SYNE2: variants seen among roughly 807,000 people sequenced by gnomAD.
SYNE2 encodes the protein nesprin-2.
SYNE2 carries 431 observed loss-of-function variants against 856.3 expected under a neutral mutation model. The ratio of observed to expected loss-of-function variants is 0.50; its 90% CI spans 0.47 to 0.55. The LOEUF is 0.55. Among genes scored for constraint, SYNE2 ranks in the 20% least tolerant of loss-of-function variants. SYNE2 has a pLI of 0.00. For missense variants in SYNE2, 8,129 were observed against 8,023.2 expected (o/e 1.01, Z -0.50); for synonymous variants, 2,923 against 2,872.3 (o/e 1.02, Z -0.56).
intron 115 of SYNE2, 63 bp from the exon 116 acceptor site, chr14:64,225,256 G>A (rs2098713952): frequency 6.2e-7 from 1 of 1,608,776 alleles, no homozygotes; most frequent in Non-Finnish European, 8.5e-7. Flanking sequence ...CAGGGGCTTA[G>A]GTAATAGAGT....
At position 64,030,224 on chromosome 14, in the gene SYNE2, G is replaced by A. The variant is rs1454674839; in HGVS notation, c.6879+165G>A. ...TAATAAATGAGAATGTCCTTCTTTAGTGGACAAATCCATTTATAATTGGAA... is the reference window on the plus strand; with the variant it reads ...TAATAAATGAGAATGTCCTTCTTTAATGGACAAATCCATTTATAATTGGAA... On this transcript the variant is annotated intron_variant, in intron 44 of 115. Coordinates refer to ENST00000555002, the MANE Select transcript of SYNE2 (RefSeq NM_182914.3). Among the ~76,000 whole-genome samples the A allele has an allele frequency of 3.9e-5, 6 of 152,128 alleles. No homozygotes were observed. The East Asian group carries it at 9.6e-4, about 24-fold the overall frequency.
intron 1 of SYNE2, among the ~76,000 whole-genome samples, chr14:63,837,952 A>T (rs2139917516): frequency 6.7e-6 from 1 of 149,902 alleles, no homozygotes; most frequent in East Asian, 2.0e-4. Flanking sequence ...AGAGCAAAGT[A>T]TCTGAATAGA....
At chr14:64,045,211 T>G (rs1297632059) in intron 45 of SYNE2, among the ~76,000 whole-genome samples, 2 of 152,188 alleles carry the variant, frequency 1.3e-5, no homozygotes, top group Non-Finnish European at 2.9e-5. Context: ...GGTAAACAAT[T>G]AAACTTTTGG....
At chr14:64,054,237 C>G (rs965027500) in intron 48 of SYNE2, among the ~76,000 whole-genome samples, 1 of 152,004 alleles carries the variant, frequency 6.6e-6, no homozygotes, top group Non-Finnish European at 1.5e-5. Flanking sequence ...CTGTTGAGCT[C>G]AGAACATTTT....
At chr14:64,209,636 G>C in intron 102 of SYNE2, 58 bp downstream of exon 102, 1 of 1,605,300 alleles carries the variant, frequency 6.2e-7, no homozygotes, top group Admixed American at 1.7e-5. Context: ...GCGAGCCTGG[G>C]GGCTGCTGAA....
intron 32 of SYNE2, among the ~76,000 whole-genome samples, chr14:64,013,349 G>C (rs1446608024): frequency 6.8e-6 from 1 of 146,414 alleles, no homozygotes; most frequent in African/African-American, 2.5e-5. Flanking sequence ...TGTATATTTA[G>C]GGAGTTACAA....
chr14:63,948,441 A>C (rs1448941911), intron 6 of SYNE2, among the ~76,000 whole-genome samples: 1 of 151,990 alleles, frequency 6.6e-6, no homozygotes, highest in African/African-American at 2.4e-5. Flanking sequence ...AGGCAGGCAG[A>C]TCACAAGGTG....
intron 26 of SYNE2, 25 bp downstream of exon 26, chr14:63,998,353 G>C: frequency 6.8e-7 from 1 of 1,477,778 alleles, no homozygotes. Flanking sequence ...AAAACAACTG[G>C]AAAATCCACC....
intron 64 of SYNE2, among the ~76,000 whole-genome samples, chr14:64,105,852 G>C (rs2097767581): frequency 6.6e-6 from 1 of 152,026 alleles, no homozygotes; most frequent in Non-Finnish European, 1.5e-5. Flanking sequence ...TTGAGCTCAG[G>C]AGTTCAAGAC....
upstream of SYNE2, chr14:63,848,257 T>G (rs149213871): frequency 7.1e-3 from 1,084 of 152,346 alleles, 8 homozygotes; most frequent in Non-Finnish European, 0.013. Context: ...TATTTATTTA[T>G]TTTTAAAGGC....
At position 63,997,304 on chromosome 14, in the gene SYNE2, G is replaced by C. The variant is rs1412923447; in HGVS notation, c.3156G>C (p.Gly1052=). 1.9e-6 allele frequency: 3 copies of C among 1,612,872 alleles called. No individual in the cohort carries two copies. Among genetic ancestry groups the C allele is most frequent in the Non-Finnish European group, 2.5e-6 (3 of 1,179,518 alleles). The stretch of plus-strand genomic sequence containing the variant: ...TGCAATTTTGATTCCTTTCTAGGGG[G>C]ACCATCACCACATCTGAGAATAGAG... ...PTAGGTSKNE[G]TITTSENRGG... Residue 1052 remains glycine (G), a synonymous_variant, in exon 25 of 116, where the codon GGG becomes GGC. Coordinates refer to ENST00000555002, the MANE Select transcript of SYNE2 (RefSeq NM_182914.3).
At chr14:63,777,169 C>T (rs889900805) in intron 1 of SYNE2, among the ~76,000 whole-genome samples, 56 of 152,248 alleles carry the variant, frequency 3.7e-4, no homozygotes, top group African/African-American at 1.3e-3. Flanking sequence ...TATTATGAGG[C>T]TTTTAATGAG....
intron 96 of SYNE2, among the ~76,000 whole-genome samples, chr14:64,183,181 C>G (rs1352726588): frequency 1.1e-3 from 159 of 144,756 alleles, no homozygotes; most frequent in East Asian, 6.9e-3. Flanking sequence ...CGGGCAGAGA[C>G]GCTCCTCACT....
At chr14:64,218,226 C>A in intron 108 of SYNE2, 172 bp from the exon 109 acceptor site, 2 of 631,142 alleles carry the variant, frequency 3.2e-6, no homozygotes, top group Non-Finnish European at 2.8e-6. Flanking sequence ...ATCAGCTTTG[C>A]CAGCTTATAA....
Position 64,016,590 on chromosome 14 carries a change from T to C in SYNE2, c.4846T>C (p.Phe1616Leu), listed in dbSNP as rs764521226. ...NKMKTFEEPPFEKEANIIVDR... is the reference protein window; with the variant it reads ...NKMKTFEEPPLEKEANIIVDR... ...AATGAAAACTTTTGAAGAGCCCCCT[T>C]TTGAAAAAGAGGCTAATATTATTGT... is the stretch of plus-strand genomic sequence containing the variant. The change falls in exon 33 of 116, where the codon TTT becomes CTT. Residue 1616 changes from phenylalanine (F) to leucine (L), a missense_variant. Transcript: ENST00000555002. The C allele has an allele frequency of 2.8e-5, 45 of 1,601,716 alleles. No individual in the cohort carries two copies. Among genetic ancestry groups the C allele is most frequent in the Non-Finnish European group, 3.8e-5 (44 of 1,172,450 alleles).
In SYNE2 at chr14:64,070,995, C is replaced by G. The variant is rs1004328623; in HGVS notation, c.10697+85C>G. The G allele has an allele frequency of 8.0e-6, 11 of 1,369,118 alleles. No individual in the cohort carries two copies. The South Asian group carries it at 1.1e-4, about 14-fold the overall frequency. The allele number at this position is 1,369,118 out of a possible 1,614,324, so 84.8% of individuals were successfully genotyped here. A position where few individuals can be genotyped will look rare whatever the true frequency, so the allele number is the denominator to read the frequency against. ...AAAATCTAAAAGTATAGAATAATGG[C>G]AAATGATACAATAGAATTGAGGTGA... On this transcript the variant is annotated intron_variant, in intron 52 of 115. Transcript: ENST00000555002.
chr14:63,797,380 G>C (rs1221253177), intron 1 of SYNE2, among the ~76,000 whole-genome samples: 2 of 152,062 alleles, frequency 1.3e-5, no homozygotes, highest in Non-Finnish European at 2.9e-5. Context: ...GACAGAGTGA[G>C]ACTCAGTCTC....
chr14:64,014,940 T>TACAC (rs1192608646), intron 32 of SYNE2, among the ~76,000 whole-genome samples: 2 of 3,410 alleles, frequency 5.9e-4, no homozygotes, highest in African/African-American at 1.0e-3. Context: ...TATATATATA[T>TACAC]ATATATATAT....
intron 78 of SYNE2, among the ~76,000 whole-genome samples, chr14:64,134,418 G>A (rs1208012229): frequency 6.6e-6 from 1 of 152,108 alleles, no homozygotes; most frequent in Non-Finnish European, 1.5e-5. Context: ...TGCTTGAGTC[G>A]TGGCTCCATC....
Sources: allele counts gnomAD v4.1 joint callset (sites outside exome capture counted in the v4.1 genomes callset), GRCh38; gene constraint gnomAD v4.1.1; transcripts MANE v1.5; gene names NCBI Gene and HGNC (gene_info 2026-07-23, HGNC 2026-07-21).